EFCAB6: variants seen among roughly 807,000 people sequenced by gnomAD.
EFCAB6 encodes EF-hand calcium-binding domain-containing protein 6.
A neutral mutation model predicts 169.8 loss-of-function variants in EFCAB6; 156 were observed. The observed-to-expected ratio is 0.92, with a 90% confidence interval of 0.81 to 1.05. EFCAB6 has a LOEUF of 1.05. Among genes scored for constraint, EFCAB6 ranks in the 50% least tolerant of loss-of-function variants. The pLI, the probability that EFCAB6 is intolerant of heterozygous loss-of-function variation, is 0.00. For synonymous variants in EFCAB6, 698 were observed against 676.4 expected (o/e 1.03, Z -0.50); for missense variants, 1,800 against 1,829.1 (o/e 0.98, Z 0.29).
At chr22:43,631,162 A>G (rs1456119176) in intron 19 of EFCAB6, among the ~76,000 whole-genome samples, 1 of 149,146 alleles carries the variant, frequency 6.7e-6, no homozygotes, top group East Asian at 2.0e-4. Context: ...TCTGGACTTC[A>G]CCCATCTCCA....
intron 1 of EFCAB6, among the ~76,000 whole-genome samples, chr22:43,810,163 G>A (rs2063063843): frequency 6.6e-6 from 1 of 152,318 alleles, no homozygotes; most frequent in South Asian, 2.1e-4. Context: ...ACAGGCATAA[G>A]CCACCACACC....
At chr22:43,808,468 C>T (rs764158472) in intron 2 of EFCAB6, among the ~76,000 whole-genome samples, 2 of 152,174 alleles carry the variant, frequency 1.3e-5, no homozygotes, top group Non-Finnish European at 2.9e-5. Flanking sequence ...GATGATTTTT[C>T]TAGAGCACTT....
chr22:43,599,100 C>G (rs181679172), intron 23 of EFCAB6, among the ~76,000 whole-genome samples: 1 of 152,288 alleles, frequency 6.6e-6, no homozygotes, highest in East Asian at 1.9e-4. Context: ...AACGTAATGG[C>G]CTGTTAGCCC....
At chr22:43,590,655 C>G (rs1459489617) in intron 23 of EFCAB6, among the ~76,000 whole-genome samples, 2 of 151,026 alleles carry the variant, frequency 1.3e-5, no homozygotes, top group African/African-American at 4.9e-5. Context: ...AGAGGCATCC[C>G]TAGAAGGATT....
intron 26 of EFCAB6, among the ~76,000 whole-genome samples, chr22:43,559,716 T>C (rs894335897): frequency 2.0e-5 from 3 of 152,120 alleles, no homozygotes; most frequent in Non-Finnish European, 4.4e-5. Flanking sequence ...TTTGCAGGGA[T>C]ATGGATAAAG....
Position 43,616,763 on chromosome 22 carries a change from A to G in EFCAB6, c.2466-841T>C, listed in dbSNP as rs377368758. Among the ~76,000 whole-genome samples the G allele has an allele frequency of 1.9e-3, 292 of 152,330 alleles. 2 individuals are homozygous for G. In the Middle Eastern group the frequency reaches 0.02, roughly 11 times the overall value. On this transcript the variant is annotated intron_variant, in intron 20 of 31. Coordinates refer to ENST00000262726, the MANE Select transcript of EFCAB6 (RefSeq NM_022785.4). ...TCACAGGTCCCTGCTAGGCCACAGT[A>G]AAGCACAGTAAAGGCTGAGGCTGGA...
intron 3 of EFCAB6, among the ~76,000 whole-genome samples, chr22:43,775,028 G>A (rs1486630874): frequency 6.6e-6 from 1 of 152,078 alleles, no homozygotes; most frequent in African/African-American, 2.4e-5. Flanking sequence ...CAGCTTCTTA[G>A]GAGAGGAGTG....
intron 22 of EFCAB6, among the ~76,000 whole-genome samples, chr22:43,601,526 C>T (rs2052522997): frequency 6.6e-6 from 1 of 152,194 alleles, no homozygotes; most frequent in Non-Finnish European, 1.5e-5. Flanking sequence ...AGTAGAAGTA[C>T]AATCAGTTTT....
chr22:43,748,149 G>A (rs971610482), intron 6 of EFCAB6, among the ~76,000 whole-genome samples: 2 of 152,130 alleles, frequency 1.3e-5, no homozygotes, highest in Admixed American at 6.5e-5. Context: ...TAACAGGTAC[G>A]CCTGACTCCA....
At chr22:43,734,282 C>T (rs1197348246) in intron 7 of EFCAB6, among the ~76,000 whole-genome samples, 1 of 152,168 alleles carries the variant, frequency 6.6e-6, no homozygotes. Flanking sequence ...TATTCTTGAG[C>T]TTCAATAAGA....
At chr22:43,746,915 A>G (rs906456304) in intron 6 of EFCAB6, among the ~76,000 whole-genome samples, 29 of 152,208 alleles carry the variant, frequency 1.9e-4, no homozygotes, top group African/African-American at 7.0e-4. Context: ...CAGCTCACTC[A>G]CAGGACAGAG....
chr22:43,551,798 G>A (rs898135046), intron 27 of EFCAB6: 1 of 151,200 alleles, frequency 6.6e-6, no homozygotes, highest in African/African-American at 2.4e-5. Flanking sequence ...TGAGGATAAT[G>A]GCTTCTAACT....
chr22:43,649,671 G>C (rs2056365111), intron 17 of EFCAB6, among the ~76,000 whole-genome samples: 1 of 152,070 alleles, frequency 6.6e-6, no homozygotes, highest in South Asian at 2.1e-4. Context: ...CTGCTTGTTG[G>C]AATATCTTGC....
At chr22:43,583,546 G>A (rs909637238) in intron 24 of EFCAB6, among the ~76,000 whole-genome samples, 1 of 151,854 alleles carries the variant, frequency 6.6e-6, no homozygotes, top group Non-Finnish European at 1.5e-5. Context: ...CATTGCTATG[G>A]CCTATTTGTG....
At chr22:43,675,552 T>A (rs1218989030) in intron 13 of EFCAB6, among the ~76,000 whole-genome samples, 1 of 144,536 alleles carries the variant, frequency 6.9e-6, no homozygotes, top group Non-Finnish European at 1.5e-5. Context: ...TGTACAAATG[T>A]CTATATATAT....
At chr22:43,559,404 AC>A (rs201500655) in intron 26 of EFCAB6, among the ~76,000 whole-genome samples, 3,172 of 152,326 alleles carry the variant, frequency 0.021, 113 homozygotes, top group African/African-American at 0.073. Flanking sequence ...ATGCTTTTAC[AC>A]TGATGGTGGG....
At chr22:43,750,428 CAG>C (rs1230849448) in intron 6 of EFCAB6, among the ~76,000 whole-genome samples, 1 of 152,170 alleles carries the variant, frequency 6.6e-6, no homozygotes, top group African/African-American at 2.4e-5. Context: ...GGGGAGGAAA[CAG>C]TGTCTCAGAT....
At chr22:43,580,813 G>A (rs2050674123) in intron 24 of EFCAB6, among the ~76,000 whole-genome samples, 154 bp from the exon 25 acceptor site, 1 of 152,176 alleles carries the variant, frequency 6.6e-6, no homozygotes, top group African/African-American at 2.4e-5. Flanking sequence ...ATGGCAGTTA[G>A]CTCTGCTCTC....
chr22:43,710,706 A>T (rs1488626077), intron 10 of EFCAB6, among the ~76,000 whole-genome samples: 1 of 152,220 alleles, frequency 6.6e-6, no homozygotes, highest in East Asian at 1.9e-4. Context: ...TCTGAGTATG[A>T]TCAACAATGG....
Sources: allele counts gnomAD v4.1 joint callset (sites outside exome capture counted in the v4.1 genomes callset), GRCh38; gene constraint gnomAD v4.1.1; transcripts MANE v1.5; gene names NCBI Gene and HGNC (gene_info 2026-07-23, HGNC 2026-07-21).